Variants in ARAP2 observed in about 807,000 individuals in gnomAD.
ARAP2 encodes the protein ArfGAP with RhoGAP domain, ankyrin repeat and PH domain 2.
A neutral mutation model predicts 194.5 loss-of-function variants in ARAP2; 148 were observed. The observed-to-expected ratio is 0.76, with a 90% CI of 0.67 to 0.87. The LOEUF (loss-of-function observed/expected upper bound fraction) is 0.87, where lower values mean the gene tolerates loss of function less well. Ranked by LOEUF, ARAP2 falls within the 40% of genes least tolerant of loss-of-function variation. The pLI, the probability that ARAP2 is intolerant of heterozygous loss-of-function variation, is 0.00. For synonymous variants in ARAP2, 695 were observed against 683.5 expected (o/e 1.02, Z -0.26); for missense variants, 2,128 against 1,989.7 (o/e 1.07, Z -1.32).
chr4:36,011,545 G>A (rs1714560377), intron 9 of ARAP2, among the ~76,000 whole-genome samples: 1 of 152,074 alleles, frequency 6.6e-6, no homozygotes, highest in African/African-American at 2.4e-5. Flanking sequence ...GAGAATCTTA[G>A]AAACACCCAC....
chr4:36,088,822 T>C (rs1368532421), intron 28 of ARAP2, among the ~76,000 whole-genome samples: 1 of 152,176 alleles, frequency 6.6e-6, no homozygotes, highest in Non-Finnish European at 1.5e-5. Flanking sequence ...ATTCTTTCTT[T>C]GTAACATATT....
intron 2 of ARAP2, among the ~76,000 whole-genome samples, chr4:36,215,875 A>C (rs778260319): frequency 2.0e-5 from 3 of 151,986 alleles, no homozygotes; most frequent in Non-Finnish European, 4.4e-5. Context: ...AACAAAGCAC[A>C]CACACAAGAA....
At chr4:36,146,982 G>A (rs1169942837) in intron 19 of ARAP2, among the ~76,000 whole-genome samples, 3 of 151,954 alleles carry the variant, frequency 2.0e-5, no homozygotes, top group Non-Finnish European at 2.9e-5. Flanking sequence ...TTCTTACAAT[G>A]AAGATATATT....
chr4:36,089,868 T>C (rs557131346), intron 28 of ARAP2, among the ~76,000 whole-genome samples: 1 of 152,202 alleles, frequency 6.6e-6, no homozygotes, highest in East Asian at 1.9e-4. Flanking sequence ...ATTTTCTCAA[T>C]CTGGGACTAT....
At chr4:36,242,229 G>A (rs1424420404) in intron 1 of ARAP2, among the ~76,000 whole-genome samples, 1 of 152,108 alleles carries the variant, frequency 6.6e-6, no homozygotes, top group Non-Finnish European at 1.5e-5. Context: ...AGATTATTAA[G>A]AAGTTCTCTA....
At chr4:36,175,547 A>G (rs1055428135) in intron 9 of ARAP2, among the ~76,000 whole-genome samples, 1 of 152,200 alleles carries the variant, frequency 6.6e-6, no homozygotes, top group Non-Finnish European at 1.5e-5. Context: ...AAGACTGACT[A>G]AAGACCAAGT....
intron 11 of ARAP2, among the ~76,000 whole-genome samples, chr4:36,162,294 GTT>G (rs1193586249): frequency 6.6e-6 from 1 of 152,110 alleles, no homozygotes; most frequent in African/African-American, 2.4e-5. Flanking sequence ...TTTCTTTACT[GTT>G]ACAAAAACTT....
At chr4:36,025,903 T>G (rs1355680228) in intron 5 of ARAP2, among the ~76,000 whole-genome samples, 3 of 152,126 alleles carry the variant, frequency 2.0e-5, no homozygotes, top group African/African-American at 7.2e-5. Flanking sequence ...CCAGGATAAA[T>G]TAGAGAGAAA....
intron 19 of ARAP2, among the ~76,000 whole-genome samples, chr4:36,140,343 A>G (rs1304463019): frequency 1.3e-5 from 2 of 151,774 alleles, no homozygotes; most frequent in Non-Finnish European, 2.9e-5. Context: ...TAATAGACAT[A>G]CATTCCCTTC....
chr4:36,077,261 C>A (rs1258841399), intron 31 of ARAP2, among the ~76,000 whole-genome samples: 4 of 152,084 alleles, frequency 2.6e-5, no homozygotes, highest in Non-Finnish European at 5.9e-5. Flanking sequence ...CTTACCCATA[C>A]ACTATGTAAA....
chr4:36,208,346 T>C (rs1746008983), intron 6 of ARAP2, among the ~76,000 whole-genome samples: 1 of 152,214 alleles, frequency 6.6e-6, no homozygotes, highest in Non-Finnish European at 1.5e-5. Context: ...GCCTCATTCA[T>C]CGGCTTACGT....
intron 11 of ARAP2, among the ~76,000 whole-genome samples, chr4:36,162,381 T>C (rs1734299598): frequency 6.6e-6 from 1 of 152,140 alleles, no homozygotes; most frequent in South Asian, 2.1e-4. Context: ...ATTCAGCAAA[T>C]ATGTCTGGAA....
rs771427129 is a variant in ARAP2 at position 36,210,542 on chromosome 4, G to A, written c.1335C>T (p.Ser445=). 19 of 1,613,796 alleles carry A rather than the reference G, an allele frequency of 1.2e-5. No homozygotes were observed. The highest frequency in any genetic ancestry group is 7.7e-5 in the South Asian group (7 of 91,070). Residue 445 remains serine, a synonymous_variant, in exon 6 of 33, where the codon TCC becomes TCT. Coordinates refer to ENST00000303965, the MANE Select transcript of ARAP2 (RefSeq NM_015230.4). The part of the protein sequence containing the change: ...SRTQKALILD[S]VNRHSYPLSS... ...TTAACGGATAACTGTGCCTATTAAC[G>A]GAGTCCAAAATCAAGGCTTTTTGAG...
chr4:36,128,491 CACACACACACACAT>C (rs768907552), intron 21 of ARAP2, 28 bp downstream of exon 21: 68 of 1,473,918 alleles, frequency 4.6e-5, no homozygotes, highest in Non-Finnish European at 5.3e-5. Context: ...CACACACACA[CACACACACACACAT>C]ATCTACAAAT....
At chr4:36,153,832 A>G (rs564893017) in intron 15 of ARAP2, among the ~76,000 whole-genome samples, 1 of 152,286 alleles carries the variant, frequency 6.6e-6, no homozygotes, top group East Asian at 1.9e-4. Context: ...TCATCATCAT[A>G]TTTATGTGCC....
intron 28 of ARAP2, 38 bp downstream of exon 28, chr4:36,091,843 C>G (rs1713743952): frequency 6.5e-7 from 1 of 1,544,916 alleles, no homozygotes; most frequent in Admixed American, 1.8e-5. Flanking sequence ...TGTTAATACC[C>G]ACACAAATAA....
At chr4:36,142,785 T>G (rs1014325426) in intron 19 of ARAP2, among the ~76,000 whole-genome samples, 1 of 151,676 alleles carries the variant, frequency 6.6e-6, no homozygotes, top group African/African-American at 2.4e-5. Context: ...AACACAGGAC[T>G]TCTTCCTTTT....
Position 36,139,334 on chromosome 4 carries a change from AT to A in ARAP2, c.3264-5946del, listed in dbSNP as rs140635049. On this transcript the variant is annotated intron_variant, in intron 19 of 32. Transcript: ENST00000303965. ...ATGAAGTTGGTCGTAATATTTTCTTATATTTTAAATATTAAACTGATGCACA... is the reference window on the plus strand; with the variant it reads ...ATGAAGTTGGTCGTAATATTTTCTTAATTTTAAATATTAAACTGATGCACA... Among the ~76,000 whole-genome samples the A allele has an allele frequency of 5.3e-3, 808 of 151,688 alleles. 11 individuals are homozygous for A. Among genetic ancestry groups the A allele is most frequent in the African/African-American group, 0.018 (761 of 41,474 alleles).
At chr4:36,153,209 G>C (rs1395048341) in intron 15 of ARAP2, among the ~76,000 whole-genome samples, 1 of 152,166 alleles carries the variant, frequency 6.6e-6, no homozygotes, top group East Asian at 1.9e-4. Context: ...TGGGCCAGAA[G>C]TCAGACAAGG....
Sources: gnomAD v4.1 joint callset for allele counts (sites outside exome capture counted in the v4.1 genomes callset) on GRCh38, gnomAD v4.1.1 for gene constraint, MANE v1.5 for transcripts, NCBI Gene and HGNC (gene_info 2026-07-23, HGNC 2026-07-21) for gene names.